The following SHB variants were observed in gnomAD, a reference collection of about 807,000 sequenced individuals.
The protein encoded by SHB is SH2 domain containing adaptor protein B.
A neutral mutation model predicts 52.3 loss-of-function variants in SHB; 20 were observed. The ratio of observed to expected loss-of-function variants is 0.38; its 90% confidence interval spans 0.27 to 0.56. The LOEUF is 0.56. SHB is among the 20% of genes least tolerant of loss of function. The probability of loss-of-function intolerance (pLI) is 0.71; values close to 1 mark genes in which losing one functional copy is unlikely to be tolerated. For missense variants in SHB, 825 were observed against 723.3 expected, an observed-to-expected ratio of 1.14 and a Z score of -1.61; for synonymous variants, 397 against 316.5, an observed-to-expected ratio of 1.25 and a Z score of -2.70.
intron 2 of SHB, among the ~76,000 whole-genome samples, chr9:37,983,462 G>A (rs1263038719): frequency 6.6e-6 from 1 of 152,214 alleles, no homozygotes; most frequent in Non-Finnish European, 1.5e-5. Context: ...GAGTGGTAAA[G>A]GAGTGATGCC....
chr9:38,011,556 G>A (rs1821143813), intron 2 of SHB, among the ~76,000 whole-genome samples: 2 of 152,118 alleles, frequency 1.3e-5, no homozygotes, highest in Admixed American at 6.5e-5. Flanking sequence ...TGCTTAAAAC[G>A]CAGATCACAG....
intron 3 of SHB, among the ~76,000 whole-genome samples, chr9:37,969,313 G>A (rs1448581595): frequency 6.6e-6 from 1 of 152,130 alleles, no homozygotes; most frequent in African/African-American, 2.4e-5. Context: ...CATGGGCTGG[G>A]CCCCCAGCCA....
chr9:37,974,662 C>G lies in SHB; in HGVS notation c.1014G>C (p.Gln338His). 5.6e-6 allele frequency: 9 copies of G among 1,613,900 alleles called. No individual in the cohort carries two copies. The highest frequency in any genetic ancestry group is 7.6e-6 in the Non-Finnish European group (9 of 1,179,976). The change falls in exon 3 of 6, where the codon CAG becomes CAC. Residue 338 changes from glutamine (Q) to histidine (H), a missense_variant. By Grantham distance (24) the Gln-to-His change is conservative. Coordinates refer to ENST00000377707, the MANE Select transcript of SHB (RefSeq NM_003028.3). ...TGGTGACCCGGTTCCACTCCCAAGG[C>G]TGGTCGTACTCATCGGCGGGCCTGT... ...DDDRPADEYD[Q>H]PWEWNRVTIP...
chr9:38,059,744 C>T (rs1051594758), intron 1 of SHB, among the ~76,000 whole-genome samples: 2 of 152,170 alleles, frequency 1.3e-5, no homozygotes, highest in Non-Finnish European at 2.9e-5. Context: ...CCACACCACC[C>T]CGGCACAAAG....
chr9:38,037,404 C>T (rs1268877186), intron 1 of SHB, among the ~76,000 whole-genome samples: 1 of 152,320 alleles, frequency 6.6e-6, no homozygotes, highest in East Asian at 1.9e-4. Flanking sequence ...CCCAACTTCC[C>T]CAGGGGGTCT....
intron 5 of SHB, 107 bp downstream of exon 5, chr9:37,948,528 C>T: frequency 2.2e-6 from 3 of 1,382,930 alleles, no homozygotes; most frequent in South Asian, 1.2e-5. Context: ...CGTGTGCTGG[C>T]AAGTTTCCCA....
intron 1 of SHB, among the ~76,000 whole-genome samples, chr9:38,043,382 C>T (rs59165686): frequency 1.3e-5 from 2 of 152,226 alleles, no homozygotes; most frequent in Non-Finnish European, 2.9e-5. Context: ...GCTCCATGTA[C>T]TTAGATTCTG....
rs117308352 is a variant in SHB at position 37,977,045 on chromosome 9, G to A, written c.839-2208C>T. 3.7e-3 allele frequency among the ~76,000 whole-genome samples: 563 copies of A among 152,298 alleles called. 7 individuals are homozygous for A. In the East Asian group the frequency reaches 0.049, roughly 13 times the overall value. ...TATTTCCCAAGCTTTATTTAGTCAT[G>A]TGACTTCATGACTTGGGCCATTTCT... On this transcript the variant is annotated intron_variant, in intron 2 of 5. Transcript: ENST00000377707.
intron 5 of SHB, among the ~76,000 whole-genome samples, chr9:37,940,857 G>A (rs1334307948): frequency 6.6e-6 from 1 of 152,196 alleles, no homozygotes; most frequent in East Asian, 1.9e-4. Flanking sequence ...CAGACCACAA[G>A]TTCGGAAGAT....
chr9:38,021,659 C>T (rs1308210301), intron 1 of SHB, among the ~76,000 whole-genome samples: 1 of 151,726 alleles, frequency 6.6e-6, no homozygotes, highest in Non-Finnish European at 1.5e-5. Context: ...CACAGCGAGA[C>T]TCTGTCTCAA....
At chr9:38,040,540 G>A (rs1191919481) in intron 1 of SHB, among the ~76,000 whole-genome samples, 1 of 152,218 alleles carries the variant, frequency 6.6e-6, no homozygotes, top group Non-Finnish European at 1.5e-5. Context: ...GCCACTGCAT[G>A]CCATACCACC....
Position 37,917,957 on chromosome 9 carries a change from C to T in SHB, c.*1864G>A, listed in dbSNP as rs1832122103. On this transcript the variant is annotated 3_prime_UTR_variant, in exon 6 of 6. Transcript: ENST00000377707. The stretch of plus-strand genomic sequence containing the variant: ...CAAACCGCTGAAGTCCACGCAGCTA[C>T]CTAAAGGGGCAGGGCTCAGTCCCAG... Among the ~76,000 whole-genome samples, 3 of 152,184 alleles carry T rather than the reference C, an allele frequency of 2.0e-5. No homozygotes were observed. In the South Asian group the frequency reaches 6.2e-4, roughly 32 times the overall value.
At chr9:37,985,649 A>C (rs141016247) in intron 2 of SHB, among the ~76,000 whole-genome samples, 1 of 152,354 alleles carries the variant, frequency 6.6e-6, no homozygotes, top group East Asian at 1.9e-4. Context: ...ATCCTCGCCG[A>C]CTGCAACATC....
chr9:37,940,988 G>C (rs1832428260), intron 5 of SHB, among the ~76,000 whole-genome samples: 1 of 152,178 alleles, frequency 6.6e-6, no homozygotes, highest in Non-Finnish European at 1.5e-5. Context: ...TTCATCCAAG[G>C]TCACACCAAA....
rs1351975747 is a variant in SHB, at chr9:37,919,182, CCT to C, written c.*637_*638del. The C allele has an allele frequency of 6.6e-6, 1 of 152,656 alleles. No individual in the cohort carries two copies. The highest frequency in any genetic ancestry group is 1.5e-5 in the Non-Finnish European group (1 of 68,070). 9.5% of individuals were successfully genotyped at this position (152,656 alleles called of 1,614,324 possible). A position where few individuals can be genotyped will look rare whatever the true frequency, so the allele number is the denominator to read the frequency against. ...ACACCCTATTCATAAATAATTGAATCCTCTTTTTGACTGCACAATGATTCCTT... is the reference window on the plus strand; with the variant it reads ...ACACCCTATTCATAAATAATTGAATCCTTTTTGACTGCACAATGATTCCTT... On this transcript the variant is annotated 3_prime_UTR_variant, in exon 6 of 6. Coordinates refer to ENST00000377707, the MANE Select transcript of SHB (RefSeq NM_003028.3).
intron 1 of SHB, among the ~76,000 whole-genome samples, chr9:38,027,749 G>T (rs953853724): frequency 1.3e-5 from 2 of 151,940 alleles, no homozygotes; most frequent in African/African-American, 2.4e-5. Flanking sequence ...AGCTCCTGGT[G>T]TAGGCAGAGC....
intron 1 of SHB, among the ~76,000 whole-genome samples, chr9:38,023,580 G>A (rs1481680533): frequency 6.6e-6 from 1 of 152,198 alleles, no homozygotes; most frequent in Non-Finnish European, 1.5e-5. Flanking sequence ...GTGATTACCA[G>A]GGAAAATGGG....
rs146919234 is a variant in SHB at position 37,937,311 on chromosome 9, GGCCATAA to G, written c.1346+11317_1346+11323del. 6.5e-3 allele frequency among the ~76,000 whole-genome samples: 997 copies of G among 152,232 alleles called. 16 individuals are homozygous for G. The highest frequency in any genetic ancestry group is 0.023 in the African/African-American group (955 of 41,518). Reference sequence around the variant, plus strand: ...GCAGGGTGATCTCCAAGCTGCCTGAGGCCATAAGCAGAGTGTGGATTTTCCAAAAGAA... The same window carrying G: ...GCAGGGTGATCTCCAAGCTGCCTGAGGCAGAGTGTGGATTTTCCAAAAGAA... On this transcript the variant is annotated intron_variant, in intron 5 of 5. Coordinates refer to ENST00000377707, the MANE Select transcript of SHB (RefSeq NM_003028.3).
intron 3 of SHB, among the ~76,000 whole-genome samples, chr9:37,966,949 G>A (rs1564090432): frequency 6.6e-6 from 1 of 152,194 alleles, no homozygotes; most frequent in Non-Finnish European, 1.5e-5. Context: ...CATGGTATGG[G>A]TGCAACTGCT....
Sources: allele counts gnomAD v4.1 joint callset (sites outside exome capture counted in the v4.1 genomes callset), GRCh38; gene constraint gnomAD v4.1.1; transcripts MANE v1.5; gene names NCBI Gene and HGNC (gene_info 2026-07-23, HGNC 2026-07-21).